The following DNAJB1 variants were observed in gnomAD, a reference collection of about 807,000 sequenced individuals.
DNAJB1 encodes dnaJ homolog subfamily B member 1.
A neutral mutation model predicts 24.0 loss-of-function variants in DNAJB1; 14 were observed. The observed-to-expected ratio is 0.58, with a 90% CI of 0.39 to 0.91. The LOEUF is 0.91. Ranked by LOEUF, DNAJB1 falls within the 40% of genes least tolerant of loss-of-function variation. The pLI is 0.00. For missense variants in DNAJB1, 517 were observed against 458.1 expected (o/e 1.13, Z -1.17); for synonymous variants, 262 against 174.4 (o/e 1.50, Z -3.96).
intron 2 of DNAJB1, 62 bp from the exon 3 acceptor site, chr19:14,516,232 G>C: frequency 6.3e-7 from 1 of 1,580,730 alleles, no homozygotes; most frequent in South Asian, 1.1e-5. Context: ...CTCTTGCCCA[G>C]AGGCCGTCTG....
Position 14,516,412 on chromosome 19 carries a change from G to T in DNAJB1, c.792+54C>A. 2.1e-5 allele frequency: 32 copies of T among 1,557,094 alleles called. No individual in the cohort carries two copies. In the South Asian group the frequency reaches 3.5e-4, roughly 17 times the overall value. On this transcript the variant is annotated intron_variant, in intron 2 of 2. Coordinates refer to ENST00000254322, the MANE Select transcript of DNAJB1 (RefSeq NM_006145.3). ...ACATTGGTTCAGCAAATACTAAACT[G>T]CTTCAAAAAGCAGCCATCGCCCTCT...
chr19:14,560,022 C>T (rs1054327824), intron 1 of DNAJB1, among the ~76,000 whole-genome samples: 5 of 152,090 alleles, frequency 3.3e-5, no homozygotes, highest in Non-Finnish European at 4.4e-5. Flanking sequence ...CCTTGCAGCC[C>T]GGGCTTACCT....
At chr19:14,558,260 G>A (rs931070176) in intron 1 of DNAJB1, among the ~76,000 whole-genome samples, 2 of 152,164 alleles carry the variant, frequency 1.3e-5, no homozygotes, top group Non-Finnish European at 1.5e-5. Context: ...CCCAGGAGCT[G>A]TGACAAGTGC....
At chr19:14,551,759 A>T (rs1413910237), upstream of DNAJB1, among the ~76,000 whole-genome samples, 4 of 151,608 alleles carry the variant, frequency 2.6e-5, no homozygotes, top group Non-Finnish European at 5.9e-5. Context: ...GGCCAGGCAG[A>T]GAGGCTCAGT....
upstream of DNAJB1, among the ~76,000 whole-genome samples, chr19:14,522,728 A>T (rs1599385366): frequency 6.8e-6 from 1 of 147,506 alleles, no homozygotes; most frequent in Non-Finnish European, 1.5e-5. Flanking sequence ...ACACACACAC[A>T]CACTCCTACT....
intron 1 of DNAJB1, 124 bp downstream of exon 1, chr19:14,518,015 G>A (rs886780044): frequency 3.1e-5 from 34 of 1,086,496 alleles, no homozygotes; most frequent in South Asian, 6.7e-5. Context: ...GAGGCCGGAG[G>A]GCGGGGCAGC....
rs1450769813 is a variant in DNAJB1 at position 14,543,038 on chromosome 19, A to G, written c.-214+7170T>C. On this transcript the variant is annotated intron_variant, in intron 1 of 3. Transcript: ENST00000676982. ...AAAGTGAACAGGGATCACTGGCCAGAGCGTGGGATCTGGGCTTGTCCTCAG... is the reference window on the plus strand; with the variant it reads ...AAAGTGAACAGGGATCACTGGCCAGGGCGTGGGATCTGGGCTTGTCCTCAG... Among the ~76,000 whole-genome samples the G allele has an allele frequency of 3.1e-4, 26 of 84,264 alleles. 1 individual carries two copies. Among genetic ancestry groups the G allele is most frequent in the African/African-American group, 9.0e-4 (19 of 21,136 alleles). The allele number at this position is 84,264 out of a possible 152,430, so 55.3% of individuals were successfully genotyped here. A position where few individuals can be genotyped will look rare whatever the true frequency, so the allele number is the denominator to read the frequency against.
chr19:14,541,419 G>A (rs918738216), intron 1 of DNAJB1, among the ~76,000 whole-genome samples: 2 of 152,222 alleles, frequency 1.3e-5, no homozygotes, highest in Non-Finnish European at 2.9e-5. Flanking sequence ...GGCACTCACC[G>A]CACAGGTTGT....
chr19:14,522,683 G>GACACACACACACACACACACACAC (rs56121204), upstream of DNAJB1, among the ~76,000 whole-genome samples: 3 of 117,868 alleles, frequency 2.5e-5, no homozygotes, highest in Admixed American at 8.6e-5. Context: ...CACACACACA[G>GACACACACACACACACACACACAC]ACACACACAC....
At chr19:14,545,250 C>G in intron 1 of DNAJB1, 3 of 455,656 alleles carry the variant, frequency 6.6e-6, no homozygotes, top group Non-Finnish European at 1.3e-5. Context: ...AAAATTTACT[C>G]TGTTCCAGCC....
upstream of DNAJB1, among the ~76,000 whole-genome samples, chr19:14,523,289 G>A (rs1014358900): frequency 2.0e-5 from 3 of 152,034 alleles, no homozygotes; most frequent in Admixed American, 2.0e-4. Flanking sequence ...AACAGGAAGT[G>A]AACAGGAAAT....
At chr19:14,537,431 G>T (rs114498959) in intron 1 of DNAJB1, among the ~76,000 whole-genome samples, 2,618 of 142,730 alleles carry the variant, frequency 0.018, 64 homozygotes, top group African/African-American at 0.057. Flanking sequence ...AAGCCTTCTG[G>T]ACTAACTGGT....
At chr19:14,538,402 C>T (rs540926484) in intron 1 of DNAJB1, among the ~76,000 whole-genome samples, 108 of 152,186 alleles carry the variant, frequency 7.1e-4, no homozygotes, top group African/African-American at 2.5e-3. Flanking sequence ...GCTTCGCGGC[C>T]CACAGGCAGG....
At chr19:14,525,251 G>T (rs562374886) in intron 2 of DNAJB1, among the ~76,000 whole-genome samples, 1 of 152,166 alleles carries the variant, frequency 6.6e-6, no homozygotes, top group East Asian at 1.9e-4. Flanking sequence ...AAATAAAAAA[G>T]ATACTATTAT....
upstream of DNAJB1, among the ~76,000 whole-genome samples, chr19:14,553,036 G>C (rs535151627): frequency 6.6e-6 from 1 of 152,150 alleles, no homozygotes. Context: ...ACTGAGAATG[G>C]GGGGCAGGCC....
intron 1 of DNAJB1, among the ~76,000 whole-genome samples, chr19:14,543,278 A>G (rs1228958274): frequency 1.8e-5 from 2 of 108,832 alleles, no homozygotes; most frequent in African/African-American, 3.5e-5. Context: ...GTGGGGTTGG[A>G]GGATTGCAGA....
chr19:14,529,522 G>A (rs376552790), upstream of DNAJB1: 32 of 839,248 alleles, frequency 3.8e-5, no homozygotes, highest in African/African-American at 3.7e-4. Flanking sequence ...AGGGGCGAAC[G>A]TGGGCGCCTC....
intron 2 of DNAJB1, among the ~76,000 whole-genome samples, chr19:14,525,162 G>T (rs2072405450): frequency 2.0e-5 from 3 of 151,956 alleles, no homozygotes; most frequent in African/African-American, 7.3e-5. Context: ...GAACCCAGAA[G>T]GTGGAGGTTG....
At chr19:14,521,463 A>AATAATC (rs2072358462), upstream of DNAJB1, among the ~76,000 whole-genome samples, 1 of 146,934 alleles carries the variant, frequency 6.8e-6, no homozygotes, top group Admixed American at 6.8e-5. Context: ...TCAAAATAAT[A>AATAATC]ATAATAATAA....
Sources: allele counts gnomAD v4.1 joint callset (sites outside exome capture counted in the v4.1 genomes callset), GRCh38; gene constraint gnomAD v4.1.1; transcripts MANE v1.5; gene names NCBI Gene and HGNC (gene_info 2026-07-23, HGNC 2026-07-21).